MDH2: variants seen among roughly 807,000 people sequenced by gnomAD.
MDH2 encodes the protein malate dehydrogenase, mitochondrial.
Under a neutral mutation model 33.6 loss-of-function variants are expected in MDH2, and 25 were observed. The ratio of observed to expected loss-of-function variants is 0.74; its 90% CI spans 0.54 to 1.04. The LOEUF (loss-of-function observed/expected upper bound fraction) is 1.04, where lower values mean the gene tolerates loss of function less well. Among genes scored for constraint, MDH2 ranks in the 50% least tolerant of loss-of-function variants. The pLI is 0.00. For missense variants in MDH2, 432 were observed against 445.0 expected, an observed-to-expected ratio of 0.97 and a Z score of 0.26; for synonymous variants, 193 against 188.7, an observed-to-expected ratio of 1.02 and a Z score of -0.19.
intron 6 of MDH2, 30 bp from the exon 7 acceptor site, chr7:76,064,309 C>T (rs2116699790): frequency 6.3e-7 from 1 of 1,576,808 alleles, no homozygotes; most frequent in Middle Eastern, 1.7e-4. Context: ...GGCCGGAAGC[C>T]ACTCACTGAT....
intron 1 of MDH2, chr7:76,048,986 G>GGTC (rs71893065): frequency 8.2e-5 from 3 of 36,730 alleles, no homozygotes; most frequent in Non-Finnish European, 1.1e-4. Context: ...GACTGCGGGG[G>GGTC]GGGGGGGGGG....
chr7:76,051,980 T>C (rs1385230389), intron 1 of MDH2, among the ~76,000 whole-genome samples: 1 of 152,162 alleles, frequency 6.6e-6, no homozygotes, highest in African/African-American at 2.4e-5. Flanking sequence ...TGTGGTTTTG[T>C]AAAAATTAAG....
In MDH2 at chr7:76,048,155, C is replaced by G. The variant is rs1797375247; in HGVS notation, c.-6C>G. ...CCTGCCAGTCGGTGCCCCTCCCGCT[C>G]CAGCCATGCTCTCCGCCCTCGCCCG... On this transcript the variant is annotated 5_prime_UTR_variant, in exon 1 of 9. Transcript: ENST00000315758. The G allele has an allele frequency of 6.5e-7, 1 of 1,537,124 alleles. No individual in the cohort carries two copies. The highest frequency in any genetic ancestry group is 1.4e-5 in the African/African-American group (1 of 73,182).
intron 1 of MDH2, among the ~76,000 whole-genome samples, chr7:76,050,324 C>T (rs1797582489): frequency 6.6e-6 from 1 of 152,240 alleles, no homozygotes; most frequent in Non-Finnish European, 1.5e-5. Flanking sequence ...GCCACCACTC[C>T]CAGCCGAGGG....
intron 2 of MDH2, among the ~76,000 whole-genome samples, chr7:76,055,430 T>C (rs1037521167): frequency 2.6e-5 from 4 of 152,050 alleles, no homozygotes; most frequent in African/African-American, 9.7e-5. Flanking sequence ...ATTCAGTAAA[T>C]GTTGTCTGGA....
At chr7:76,061,533 G>A (rs920408051) in intron 5 of MDH2, among the ~76,000 whole-genome samples, 2 of 152,188 alleles carry the variant, frequency 1.3e-5, no homozygotes, top group African/African-American at 4.8e-5. Context: ...CCAGCACTTT[G>A]GGAGGCTGAG....
In MDH2 at chr7:76,066,413, C is replaced by T. The variant is rs370821454; in HGVS notation, c.*3C>T. On this transcript the variant is annotated 3_prime_UTR_variant, in exon 9 of 9. Transcript: ENST00000315758. The stretch of plus-strand genomic sequence containing the variant: ...ATTTCGTGAAGACCCTGAAGTGAGC[C>T]GCTGTGACGGGTGGCCAGTTTCCTT... 2.2e-5 allele frequency: 35 copies of T among 1,603,212 alleles called. No homozygotes were observed. The highest frequency in any genetic ancestry group is 4.5e-5 in the East Asian group (2 of 44,632).
rs1554584381 is a variant in MDH2 at position 76,048,111 on chromosome 7, C to G, written c.-50C>G. 4 of 1,536,526 alleles carry G rather than the reference C, an allele frequency of 2.6e-6. No homozygotes were observed. The highest frequency in any genetic ancestry group is 3.5e-6 in the Non-Finnish European group (4 of 1,146,668). On this transcript the variant is annotated 5_prime_UTR_variant, in exon 1 of 9. Coordinates refer to ENST00000315758, the MANE Select transcript of MDH2 (RefSeq NM_005918.4). ...GTGTGGAGGTCGTTGGAGTCACTTC[C>G]CCGTCACCAGCTCCTGTGCCTGCCA...
intron 4 of MDH2, 146 bp downstream of exon 4, chr7:76,058,224 T>A (rs1554586557): frequency 2.8e-6 from 2 of 706,744 alleles, no homozygotes; most frequent in African/African-American, 3.5e-5. Flanking sequence ...AATGGAGAGG[T>A]CGGGTGCACT....
At position 76,063,609 on chromosome 7, in the gene MDH2, C is replaced by T. The variant is rs1637037; in HGVS notation, c.633+17C>T. The T allele has an allele frequency of 0.35, 563,908 of 1,610,152 alleles. 109,462 individuals carry two copies. Among genetic ancestry groups the T allele is most frequent in the African/African-American group, 0.73 (54,547 of 74,918 alleles). ...ATCTCTCAGGTACACGCATATGACC[C>T]TGTGAGGGGCTTCGAGGTCAGGATT... On this transcript the variant is annotated intron_variant, in intron 6 of 8. Transcript: ENST00000315758.
In MDH2 at chr7:76,067,160, T is replaced by C. The variant is rs1426609426; in HGVS notation, c.*750T>C. On this transcript the variant is annotated 3_prime_UTR_variant, in exon 9 of 9. Coordinates refer to ENST00000315758, the MANE Select transcript of MDH2 (RefSeq NM_005918.4). ...TCAGTGGCCTAAAGAAGGGACTTCT[T>C]GTTGTACTGAGGAGTGCGGAATTAA... The C allele has an allele frequency of 2.0e-5, 3 of 152,270 alleles. No individual in the cohort carries two copies. The East Asian group carries it at 5.8e-4, about 29-fold the overall frequency. 9.4% of individuals were successfully genotyped at this position (152,270 alleles called of 1,614,324 possible).
chr7:76,057,860 G>T, intron 3 of MDH2, 109 bp from the exon 4 acceptor site: 2 of 957,978 alleles, frequency 2.1e-6, no homozygotes, highest in East Asian at 2.6e-5. Flanking sequence ...GACTTGAAAC[G>T]GGGACCTTGA....
intron 1 of MDH2, among the ~76,000 whole-genome samples, chr7:76,054,243 C>T (rs953382329): frequency 2.7e-5 from 4 of 145,756 alleles, no homozygotes; most frequent in Non-Finnish European, 6.1e-5. Flanking sequence ...ACCCCTTCCA[C>T]CTCTTGTTAG....
intron 1 of MDH2, among the ~76,000 whole-genome samples, chr7:76,049,589 C>G (rs1797537360): frequency 1.3e-5 from 2 of 151,932 alleles, no homozygotes; most frequent in Non-Finnish European, 2.9e-5. Context: ...GGCAGCCAAC[C>G]AAAGAGAGGA....
chr7:76,055,933 T>G (rs1293914226), intron 2 of MDH2, among the ~76,000 whole-genome samples: 1 of 151,654 alleles, frequency 6.6e-6, no homozygotes, highest in East Asian at 2.0e-4. Flanking sequence ...GTTCAAGTGA[T>G]TCTCCTGCCT....
chr7:76,064,220 C>A, intron 6 of MDH2, 119 bp from the exon 7 acceptor site: 1 of 660,198 alleles, frequency 1.5e-6, no homozygotes, highest in East Asian at 3.0e-5. Context: ...TATAGAAAAC[C>A]TTTCCCATGC....
rs1459822297 is a variant in MDH2 at position 76,064,440 on chromosome 7, TAG to T, written c.733+5_733+6del. The T allele has an allele frequency of 6.0e-5, 96 of 1,611,230 alleles. No homozygotes were observed. The highest frequency in any genetic ancestry group is 1.5e-4 in the Admixed American group (9 of 59,678). ...TGGTCAAGGCTAAAGCCGGAGCAGG[TAG>T]AGTCTCAGGCAGCCCCGGGGCTGGG... is the stretch of plus-strand genomic sequence containing the variant. On this transcript the variant is annotated splice_donor_region_variant and intron_variant, in intron 7 of 8. Coordinates refer to ENST00000315758, the MANE Select transcript of MDH2 (RefSeq NM_005918.4).
chr7:76,061,310 C>A, intron 5 of MDH2, among the ~76,000 whole-genome samples: 1 of 152,308 alleles, frequency 6.6e-6, no homozygotes. Flanking sequence ...TCCCGAGTGA[C>A]AGGCACATCT....
intron 1 of MDH2, among the ~76,000 whole-genome samples, chr7:76,051,842 C>T (rs1554585494): frequency 6.6e-6 from 1 of 152,188 alleles, no homozygotes; most frequent in Non-Finnish European, 1.5e-5. Context: ...GATAGCCACT[C>T]TGCCACCCAG....
Sources: gnomAD v4.1 joint callset for allele counts (sites outside exome capture counted in the v4.1 genomes callset) on GRCh38, gnomAD v4.1.1 for gene constraint, MANE v1.5 for transcripts, NCBI Gene and HGNC (gene_info 2026-07-23, HGNC 2026-07-21) for gene names.